C1orf87: variants seen among roughly 807,000 people sequenced by gnomAD.
C1orf87 encodes chromosome 1 open reading frame 87.
A neutral mutation model predicts 60.5 loss-of-function variants in C1orf87; 58 were observed. The ratio of observed to expected loss-of-function variants is 0.96; its 90% CI spans 0.78 to 1.19. The LOEUF (loss-of-function observed/expected upper bound fraction) is 1.19, where lower values mean the gene tolerates loss of function less well. Among genes scored for constraint, C1orf87 ranks in the 50% most tolerant of loss-of-function variants. C1orf87 has a pLI of 0.00. For synonymous variants in C1orf87, 236 were observed against 227.4 expected (o/e 1.04, Z -0.34); for missense variants, 673 against 638.6 (o/e 1.05, Z -0.58).
At chr1:60,039,303 C>T (rs772275211) in intron 5 of C1orf87, among the ~76,000 whole-genome samples, 11 of 152,050 alleles carry the variant, frequency 7.2e-5, no homozygotes, top group Non-Finnish European at 1.3e-4. Context: ...GGGTATTTTC[C>T]TCTGGCTCCC....
chr1:60,038,590 T>C (rs1432027892), intron 5 of C1orf87, among the ~76,000 whole-genome samples: 1 of 152,172 alleles, frequency 6.6e-6, no homozygotes, highest in Non-Finnish European at 1.5e-5. Context: ...GTTATTACTA[T>C]AGTACAACCT....
chr1:59,998,257 C>T (rs1002656684), intron 10 of C1orf87, among the ~76,000 whole-genome samples: 2 of 152,058 alleles, frequency 1.3e-5, no homozygotes, highest in Non-Finnish European at 2.9e-5. Context: ...TTATCTTAGG[C>T]TTGTGGGTCC....
intron 8 of C1orf87, among the ~76,000 whole-genome samples, chr1:60,021,750 A>T (rs958485520): frequency 6.6e-6 from 1 of 152,240 alleles, no homozygotes; most frequent in African/African-American, 2.4e-5. Flanking sequence ...TACAGATGAT[A>T]AATCTGCAAA....
rs1574293796 is a variant in C1orf87, at chr1:60,001,158, T to TA, written c.1193-3_1193-2insT. The TA allele has an allele frequency of 6.5e-7, 1 of 1,549,104 alleles. No individual in the cohort carries two copies. Among genetic ancestry groups the TA allele is most frequent in the Admixed American group, 2.2e-5 (1 of 46,384 alleles). On this transcript the variant is annotated splice_polypyrimidine_tract_variant and splice_region_variant and intron_variant, in intron 9 of 11. Coordinates refer to ENST00000371201, the MANE Select transcript of C1orf87 (RefSeq NM_152377.3). ...CAGGGGCTTTCTTTTCATTCTTCCC[T>TA]GAACAAGAATAAAAAAAAAAAAAGG... is the stretch of plus-strand genomic sequence containing the variant.
chr1:60,013,568 A>G (rs1363013399), intron 8 of C1orf87, among the ~76,000 whole-genome samples: 2 of 152,166 alleles, frequency 1.3e-5, no homozygotes, highest in African/African-American at 2.4e-5. Flanking sequence ...ACTCTACAAA[A>G]AAATCAATGG....
intron 3 of C1orf87, among the ~76,000 whole-genome samples, chr1:60,053,541 A>T (rs1418916721): frequency 6.6e-6 from 1 of 151,932 alleles, no homozygotes; most frequent in African/African-American, 2.4e-5. Flanking sequence ...ATTAAAGATG[A>T]TGCGTAGGAT....
In C1orf87 at chr1:60,041,122, G is replaced by T; in HGVS notation, c.352C>A (p.Gln118Lys). The T allele has an allele frequency of 1.3e-6, 2 of 1,577,842 alleles. No homozygotes were observed. The highest frequency in any genetic ancestry group is 2.3e-5 in the South Asian group (2 of 86,974). ...ACAGAGCTGCAGTGGACATTTGCTT[G>T]ACTGGGAATCTTAACAGAACAAGGA... ...SRFLDGNIPSQANVHCSSVPT... is the reference protein window; with the variant it reads ...SRFLDGNIPSKANVHCSSVPT... Residue 118 changes from glutamine to lysine, a missense_variant, in exon 4 of 12, where the codon CAA (glutamine) becomes AAA (lysine). Coordinates refer to ENST00000371201, the MANE Select transcript of C1orf87 (RefSeq NM_152377.3).
intron 8 of C1orf87, among the ~76,000 whole-genome samples, chr1:60,013,694 T>A (rs928690309): frequency 2.0e-5 from 3 of 151,616 alleles, no homozygotes; most frequent in South Asian, 2.1e-4. Context: ...TTTTTTTTTT[T>A]AATTAGGTGT....
intron 8 of C1orf87, among the ~76,000 whole-genome samples, chr1:60,021,363 T>C (rs1645162203): frequency 6.6e-6 from 1 of 152,136 alleles, no homozygotes; most frequent in East Asian, 1.9e-4. Flanking sequence ...ATCACACAAA[T>C]ACACACAATT....
intron 10 of C1orf87, among the ~76,000 whole-genome samples, chr1:59,998,734 T>C (rs1190265214): frequency 6.6e-6 from 1 of 152,132 alleles, no homozygotes; most frequent in Admixed American, 6.6e-5. Context: ...ATGTGTGAGA[T>C]ATTGGAACTC....
At chr1:60,068,756 C>A (rs17120082) in intron 2 of C1orf87, among the ~76,000 whole-genome samples, 4 of 152,106 alleles carry the variant, frequency 2.6e-5, no homozygotes, top group Non-Finnish European at 5.9e-5. Flanking sequence ...ATATTTAATT[C>A]TTTGGCCTAC....
Position 60,072,557 on chromosome 1 carries a change from G to C in C1orf87, c.87C>G (p.Tyr29Ter). The change falls in exon 2 of 12, where the codon TAC becomes TAG. Residue 29 changes from tyrosine to a stop codon, truncating the protein, a stop_gained. Coordinates refer to ENST00000371201, the MANE Select transcript of C1orf87 (RefSeq NM_152377.3). LOFTEE classifies it high-confidence loss of function. The part of the protein sequence containing the change: ...VKIIGSKHFQ[Y>*]LVEKPKIKEN... ...CTTACATCTTTGGCTTCTCCACGAG[G>C]TATTGAAAGTGTTTACTTCCAATGA... The C allele has an allele frequency of 1.2e-6, 2 of 1,611,344 alleles. No individual in the cohort carries two copies. Among genetic ancestry groups the C allele is most frequent in the South Asian group, 2.2e-5 (2 of 90,892 alleles).
intron 6 of C1orf87, 110 bp from the exon 7 acceptor site, chr1:60,033,751 C>T: frequency 7.9e-7 from 1 of 1,263,098 alleles, no homozygotes; most frequent in East Asian, 2.4e-5. Flanking sequence ...AACCAGAGAG[C>T]CCATCTACGT....
At chr1:60,039,175 T>C (rs573214394) in intron 5 of C1orf87, among the ~76,000 whole-genome samples, 2 of 152,240 alleles carry the variant, frequency 1.3e-5, no homozygotes, top group South Asian at 4.1e-4. Context: ...AGAACTAAGA[T>C]GGTGGGATTA....
At chr1:60,072,465 C>A in intron 2 of C1orf87, 72 bp downstream of exon 2, 1 of 1,217,996 alleles carries the variant, frequency 8.2e-7, no homozygotes, top group Admixed American at 2.3e-5. Context: ...GTTTAAATTT[C>A]TGGGTGAAAA....
intron 6 of C1orf87, 65 bp downstream of exon 6, chr1:60,037,927 T>A (rs1645289356): frequency 9.4e-7 from 1 of 1,069,410 alleles, no homozygotes; most frequent in Non-Finnish European, 1.4e-6. Flanking sequence ...TGGTACTTTT[T>A]TATAGCAGCC....
chr1:59,998,723 T>G (rs1644980763), intron 10 of C1orf87, among the ~76,000 whole-genome samples: 1 of 152,092 alleles, frequency 6.6e-6, no homozygotes, highest in Admixed American at 6.6e-5. Flanking sequence ...TGGAGGTGAT[T>G]ATGTGTGAGA....
Position 60,033,620 on chromosome 1 carries a change from G to T in C1orf87, c.885C>A (p.Ser295Arg). 1.2e-6 allele frequency: 2 copies of T among 1,613,054 alleles called. No individual in the cohort carries two copies. Among genetic ancestry groups the T allele is most frequent in the Non-Finnish European group, 8.5e-7 (1 of 1,179,446 alleles). ...HSQSTPPQHS[S>R]SQPEVNRSLL... Reference sequence around the variant, plus strand: ...GACTCCTGTTCACTTCTGGCTGTGAGCTGGAGTGCTGAGGTGGAGTGCTGA... The same window carrying T: ...GACTCCTGTTCACTTCTGGCTGTGATCTGGAGTGCTGAGGTGGAGTGCTGA... Residue 295 changes from serine to arginine, a missense_variant, in exon 7 of 12, where the codon AGC becomes AGA. Ser to Arg is a moderately radical substitution (Grantham distance 110). Coordinates refer to ENST00000371201, the MANE Select transcript of C1orf87 (RefSeq NM_152377.3).
At chr1:60,001,476 T>C (rs1645004067) in intron 9 of C1orf87, among the ~76,000 whole-genome samples, 1 of 151,814 alleles carries the variant, frequency 6.6e-6, no homozygotes, top group Non-Finnish European at 1.5e-5. Context: ...GGGGTAACAG[T>C]GGTGGGGGTT....
Sources: allele counts gnomAD v4.1 joint callset (sites outside exome capture counted in the v4.1 genomes callset), GRCh38; gene constraint gnomAD v4.1.1; transcripts MANE v1.5; gene names NCBI Gene and HGNC (gene_info 2026-07-23, HGNC 2026-07-21).